The following TNFRSF14 variants were observed in gnomAD, a reference collection of about 807,000 sequenced individuals.
The protein encoded by TNFRSF14 is tumor necrosis factor receptor superfamily member 14.
TNFRSF14 carries 18 observed loss-of-function variants against 34.1 expected under a neutral mutation model. That is an observed-to-expected ratio of 0.53 (90% CI 0.36 to 0.78). The LOEUF is 0.78. TNFRSF14 is among the 30% of genes least tolerant of loss of function. The pLI, the probability that TNFRSF14 is intolerant of heterozygous loss-of-function variation, is 0.00. For missense variants in TNFRSF14, 352 were observed against 379.5 expected (o/e 0.93, Z 0.60); for synonymous variants, 157 against 153.2 (o/e 1.02, Z -0.18).
At chr1:2,557,938 G>T in intron 2 of TNFRSF14, 104 bp downstream of exon 2, 1 of 970,140 alleles carries the variant, frequency 1.0e-6, no homozygotes, top group South Asian at 1.7e-5. Context: ...ACAGCCATGG[G>T]TGTGATGAAG....
upstream of TNFRSF14, chr1:2,555,630 A>AG (rs1426841874): frequency 2.0e-5 from 3 of 152,374 alleles, no homozygotes; most frequent in Non-Finnish European, 2.9e-5. This position sits in a 1 kb window ranked among gnomAD's most constrained non-coding sequence, Gnocchi z 6.3. Flanking sequence ...GCGGTGCCAG[A>AG]GGGGGTGACT....
At position 2,561,468 on chromosome 1, in the gene TNFRSF14, C is replaced by T. The variant is rs909806392; in HGVS notation, c.552-205C>T. ...AGTCTCTCCTTGTTTCTCTTCTCCT[C>T]CTTCCTTCTCTCCACCTCCCCATAG... On this transcript the variant is annotated intron_variant, in intron 5 of 7. Coordinates refer to ENST00000355716, the MANE Select transcript of TNFRSF14 (RefSeq NM_003820.4). The surrounding 1 kb of genome is among the most constrained non-coding windows in gnomAD (Gnocchi z 6.0). 3.3e-6 allele frequency: 5 copies of T among 1,497,904 alleles called. No homozygotes were observed. The African/African-American group carries it at 5.6e-5, about 17-fold the overall frequency. 92.8% of individuals were successfully genotyped at this position (1,497,904 alleles called of 1,614,324 possible).
chr1:2,562,730 G>T, intron 6 of TNFRSF14, 135 bp from the exon 7 acceptor site: 1 of 1,163,696 alleles, frequency 8.6e-7, no homozygotes, highest in East Asian at 2.3e-5. Context: ...CTCAGAGAGG[G>T]TCAGTCCCTT....
At chr1:2,555,161 G>C (rs1363714560), upstream of TNFRSF14, 1 of 152,250 alleles carries the variant, frequency 6.6e-6, no homozygotes, top group African/African-American at 2.4e-5. This position sits in a 1 kb window ranked among gnomAD's most constrained non-coding sequence, Gnocchi z 6.3. Context: ...GTGCCACCTG[G>C]TCCCCCACCC....
intron 1 of TNFRSF14, among the ~76,000 whole-genome samples, 192 bp from the exon 2 acceptor site, chr1:2,557,534 C>T (rs567992318): frequency 1.3e-5 from 2 of 152,240 alleles, no homozygotes; most frequent in East Asian, 3.9e-4. Context: ...GGGGCGGTCC[C>T]CACCCTATCC....
intron 1 of TNFRSF14, 77 bp downstream of exon 1, chr1:2,556,810 C>G (rs765236149): frequency 2.1e-5 from 30 of 1,413,350 alleles, no homozygotes; most frequent in Non-Finnish European, 2.8e-5. Flanking sequence ...ATCTCTTCCC[C>G]ATGCCCCTGT....
At chr1:2,562,962 C>A in intron 7 of TNFRSF14, 66 bp downstream of exon 7, 1 of 1,400,886 alleles carries the variant, frequency 7.1e-7, no homozygotes, top group South Asian at 1.2e-5. Flanking sequence ...CCCGCTGGGG[C>A]TGGTGTTTCT....
At chr1:2,562,632 G>A (rs2100863218) in intron 6 of TNFRSF14, 1 of 616,380 alleles carries the variant, frequency 1.6e-6, no homozygotes, top group East Asian at 2.8e-5. Context: ...TGGGGAGGTG[G>A]GCCGGGCGCC....
Position 2,562,906 on chromosome 1 carries a change from C to A in TNFRSF14, c.726+10C>A, listed in dbSNP as rs1433402316. On this transcript the variant is annotated intron_variant, in intron 7 of 7. Transcript: ENST00000355716. ...GATCGTCTCCGTCCAGGTATTGATC[C>A]TCCTCCCCCTCTCCCTCCCCCCTCC... The A allele has an allele frequency of 1.2e-6, 2 of 1,612,860 alleles. No homozygotes were observed. The highest frequency in any genetic ancestry group is 2.2e-5 in the East Asian group (1 of 44,872).
chr1:2,562,255 C>G (rs1239216430), intron 6 of TNFRSF14: 1 of 226,886 alleles, frequency 4.4e-6, no homozygotes, highest in African/African-American at 2.3e-5. Context: ...GTCTGGGCAC[C>G]TGTGCTGTGC....
chr1:2,563,237 A>G lies in TNFRSF14; in HGVS notation c.816A>G (p.Thr272=), dbSNP rs574967144. 12 of 1,613,366 alleles carry G rather than the reference A, an allele frequency of 7.4e-6. No individual in the cohort carries two copies. Among genetic ancestry groups the G allele is most frequent in the Admixed American group, 5.0e-5 (3 of 60,004 alleles). Residue 272 remains threonine (T), a synonymous_variant, in exon 8 of 8, where the codon ACA becomes ACG. Transcript: ENST00000355716. ...PDVTTVAVEE[T]IPSFTGRSPN... is the part of the protein sequence containing the mutation. The stretch of plus-strand genomic sequence containing the variant: ...TCACCACGGTGGCCGTGGAGGAGAC[A>G]ATACCCTCATTCACGGGGAGGAGCC...
chr1:2,558,209 G>A (rs930427591), intron 2 of TNFRSF14, 134 bp from the exon 3 acceptor site: 15 of 1,336,914 alleles, frequency 1.1e-5, no homozygotes, highest in East Asian at 2.6e-5. Context: ...GCTGTGTCCC[G>A]TGGGGCTCAT....
rs1644300979 is a variant in TNFRSF14 at position 2,561,017 on chromosome 1, GGT to G, written c.551+306_551+307del. 2 of 428,540 alleles carry G rather than the reference GGT, an allele frequency of 4.7e-6. No homozygotes were observed. Among genetic ancestry groups the G allele is most frequent in the East Asian group, 7.5e-5 (2 of 26,600 alleles). The allele number at this position is 428,540 out of a possible 1,614,324, so 26.5% of individuals were successfully genotyped here. ...AGATCCCCTGTCCCCTGGGGCTGTG[GGT>G]GTCCCTGAATGTCAGGGCCATGGGA... On this transcript the variant is annotated intron_variant, in intron 5 of 7. Coordinates refer to ENST00000355716, the MANE Select transcript of TNFRSF14 (RefSeq NM_003820.4). The surrounding 1 kb of genome is among the most constrained non-coding windows in gnomAD (Gnocchi z 6.0).
At position 2,561,893 on chromosome 1, in the gene TNFRSF14, G is replaced by T. The variant is rs1049394806; in HGVS notation, c.694+78G>T. ...GAGCTCTGTCACCCCAAGCCTGGGA[G>T]GTGGCCCCAGAGCTTTTCCAGGATC... On this transcript the variant is annotated intron_variant, in intron 6 of 7. Coordinates refer to ENST00000355716, the MANE Select transcript of TNFRSF14 (RefSeq NM_003820.4). The surrounding 1 kb of genome is among the most constrained non-coding windows in gnomAD (Gnocchi z 6.0). The T allele has an allele frequency of 2.0e-6, 3 of 1,479,444 alleles. No individual in the cohort carries two copies. Among genetic ancestry groups the T allele is most frequent in the Non-Finnish European group, 2.8e-6 (3 of 1,086,458 alleles). The allele number at this position is 1,479,444 out of a possible 1,614,324, so 91.6% of individuals were successfully genotyped here.
At chr1:2,562,995 A>G in intron 7 of TNFRSF14, 99 bp downstream of exon 7, 3 of 1,504,604 alleles carry the variant, frequency 2.0e-6, no homozygotes, top group Non-Finnish European at 2.7e-6. Context: ...GGGGGCTCCC[A>G]GTTCTCTGAG....
chr1:2,558,891 C>T (rs769455029), intron 3 of TNFRSF14: 2 of 1,344,010 alleles, frequency 1.5e-6, no homozygotes, highest in South Asian at 1.3e-5. Flanking sequence ...ATATTGGTTC[C>T]CCCTGTGACC....
In TNFRSF14 at chr1:2,562,808, C is replaced by T. The variant is rs536576039; in HGVS notation, c.695-57C>T. 20 of 1,609,760 alleles carry T rather than the reference C, an allele frequency of 1.2e-5. No homozygotes were observed. In the African/African-American group the frequency reaches 1.5e-4, roughly 12 times the overall value. On this transcript the variant is annotated intron_variant, in intron 6 of 7. Transcript: ENST00000355716. ...ACCGCTGTGAGACCATTGCCATGAG[C>T]CTGTGTCCCCTGATCAGACACTGCC...
At position 2,559,742 on chromosome 1, in the gene TNFRSF14, T is replaced by C. The variant is rs757917332; in HGVS notation, c.305-81T>C. 5.3e-5 allele frequency: 81 copies of C among 1,541,942 alleles called. No individual in the cohort carries two copies. The African/African-American group carries it at 9.0e-4, about 17-fold the overall frequency. ...GGCAGGGCGCCCTGGCAGCAGTCCT[T>C]GGCCTGTGGATGCTGTCCTGGCCCG... On this transcript the variant is annotated intron_variant, in intron 3 of 7. Coordinates refer to ENST00000355716, the MANE Select transcript of TNFRSF14 (RefSeq NM_003820.4).
At chr1:2,555,721 G>A (rs956770568), upstream of TNFRSF14, 10 of 152,678 alleles carry the variant, frequency 6.5e-5, no homozygotes, top group African/African-American at 1.9e-4. The surrounding 1 kb of genome is among the most constrained non-coding windows in gnomAD (Gnocchi z 6.3). Flanking sequence ...CAGCAGGAAG[G>A]GGCCACGGGG....
Sources: gnomAD v4.1 joint callset for allele counts (sites outside exome capture counted in the v4.1 genomes callset) on GRCh38, gnomAD v4.1.1 for gene constraint, Gnocchi (gnomAD v3.1) non-coding constraint, MANE v1.5 for transcripts, NCBI Gene and HGNC (gene_info 2026-07-23, HGNC 2026-07-21) for gene names.